The following SYT16 variants were observed in gnomAD, a reference collection of about 807,000 sequenced individuals.
SYT16 encodes the protein synaptotagmin 16.
In SYT16, 42 loss-of-function variants were observed where a neutral mutation model predicts 61.4. The observed-to-expected ratio is 0.68, with a 90% CI of 0.53 to 0.89. The LOEUF is 0.89. Ranked by LOEUF, SYT16 falls within the 40% of genes least tolerant of loss-of-function variation. The pLI, the probability that SYT16 is intolerant of heterozygous loss-of-function variation, is 0.00. For synonymous variants in SYT16, 314 were observed against 302.3 expected, an observed-to-expected ratio of 1.04 and a Z score of -0.40; for missense variants, 804 against 807.3, an observed-to-expected ratio of 1.00 and a Z score of 0.05.
At chr14:62,047,405 T>C (rs1266279114) in intron 3 of SYT16, among the ~76,000 whole-genome samples, 1 of 152,198 alleles carries the variant, frequency 6.6e-6, no homozygotes, top group Non-Finnish European at 1.5e-5. Flanking sequence ...AGATATACAA[T>C]CATGTCATCT....
chr14:62,092,876 A>G (rs1338938071), intron 7 of SYT16, among the ~76,000 whole-genome samples: 2 of 152,096 alleles, frequency 1.3e-5, no homozygotes. Flanking sequence ...AAAATGGTAA[A>G]TTTTGTTGTG....
At chr14:61,961,632 T>C (rs1434646526) in intron 1 of SYT16, among the ~76,000 whole-genome samples, 1 of 152,070 alleles carries the variant, frequency 6.6e-6, no homozygotes, top group African/African-American at 2.4e-5. Context: ...GCTGGCAAGG[T>C]TGTGGAGAAA....
intron 1 of SYT16, among the ~76,000 whole-genome samples, chr14:61,897,790 G>A (rs184154685): frequency 6.6e-6 from 1 of 152,186 alleles, no homozygotes; most frequent in Admixed American, 6.5e-5. Flanking sequence ...AGAACCCATA[G>A]ACACACTTGG....
At chr14:62,036,788 G>A (rs2054526489) in intron 3 of SYT16, among the ~76,000 whole-genome samples, 1 of 152,076 alleles carries the variant, frequency 6.6e-6, no homozygotes, top group Admixed American at 6.5e-5. Flanking sequence ...CTCCCACCAG[G>A]TCCCTCCCAT....
At chr14:61,849,515 T>C (rs1281009081) in intron 1 of SYT16, among the ~76,000 whole-genome samples, 1 of 152,180 alleles carries the variant, frequency 6.6e-6, no homozygotes, top group Non-Finnish European at 1.5e-5. Flanking sequence ...ATGGGTGATT[T>C]CCCTCTGATT....
At chr14:61,980,475 T>G (rs1050926192) in intron 2 of SYT16, among the ~76,000 whole-genome samples, 1 of 152,228 alleles carries the variant, frequency 6.6e-6, no homozygotes, top group African/African-American at 2.4e-5. Flanking sequence ...TAATCTTATA[T>G]TTTGCTTTAA....
intron 1 of SYT16, among the ~76,000 whole-genome samples, chr14:61,966,998 A>G (rs922839443): frequency 1.3e-5 from 2 of 152,230 alleles, no homozygotes; most frequent in Non-Finnish European, 2.9e-5. Flanking sequence ...AAAGTTTAAA[A>G]TTTAACATTT....
chr14:62,006,620 T>G (rs2053236760), intron 3 of SYT16, among the ~76,000 whole-genome samples: 1 of 152,176 alleles, frequency 6.6e-6, no homozygotes, highest in East Asian at 1.9e-4. Flanking sequence ...TACACTTCAT[T>G]TAGCAGTTGC....
At chr14:61,874,235 G>A (rs2047417955) in intron 1 of SYT16, among the ~76,000 whole-genome samples, 1 of 152,200 alleles carries the variant, frequency 6.6e-6, no homozygotes, top group Non-Finnish European at 1.5e-5. Flanking sequence ...TTAAGTGCAG[G>A]AGAGGAAAGT....
chr14:62,046,212 G>C (rs2054975947), intron 3 of SYT16, among the ~76,000 whole-genome samples: 1 of 152,130 alleles, frequency 6.6e-6, no homozygotes, highest in South Asian at 2.1e-4. Flanking sequence ...GTGATGATGA[G>C]CATTTTTTCA....
At chr14:62,091,419 G>A (rs539803409) in intron 7 of SYT16, among the ~76,000 whole-genome samples, 5 of 152,200 alleles carry the variant, frequency 3.3e-5, no homozygotes, top group Non-Finnish European at 7.3e-5. Flanking sequence ...TGGTTAACAT[G>A]TAAGTAAATA....
chr14:61,837,529 G>A (rs1049378103), intron 1 of SYT16, among the ~76,000 whole-genome samples: 7 of 152,140 alleles, frequency 4.6e-5, no homozygotes, highest in African/African-American at 1.4e-4. Context: ...GTGAGCTGCC[G>A]TGCAGCTGAG....
intron 3 of SYT16, among the ~76,000 whole-genome samples, chr14:62,011,952 T>C (rs2053484505): frequency 6.9e-6 from 1 of 144,552 alleles, no homozygotes; most frequent in Non-Finnish European, 1.5e-5. Context: ...TTTGATGCTG[T>C]GCATCATCTG....
intron 3 of SYT16, among the ~76,000 whole-genome samples, chr14:62,060,153 A>G (rs1439955778): frequency 6.6e-6 from 1 of 152,070 alleles, no homozygotes; most frequent in Non-Finnish European, 1.5e-5. Context: ...TTGACAAAAA[A>G]TATCTGTTTG....
At chr14:62,038,754 G>C (rs562060920) in intron 3 of SYT16, among the ~76,000 whole-genome samples, 1 of 152,316 alleles carries the variant, frequency 6.6e-6, no homozygotes, top group South Asian at 2.1e-4. Flanking sequence ...TTGAGAATCA[G>C]AAAGGGCTCA....
At chr14:61,908,688 T>A (rs1438272527) in intron 1 of SYT16, among the ~76,000 whole-genome samples, 1 of 152,210 alleles carries the variant, frequency 6.6e-6, no homozygotes, top group Non-Finnish European at 1.5e-5. Flanking sequence ...GTCATGAACA[T>A]CTTTTTCTGA....
intron 1 of SYT16, among the ~76,000 whole-genome samples, chr14:61,958,765 C>G (rs1422116652): frequency 6.6e-6 from 1 of 151,802 alleles, no homozygotes; most frequent in Non-Finnish European, 1.5e-5. Context: ...TCTGTTAGGT[C>G]CATTTGGCCT....
chr14:61,972,770 G>T (rs1017192370), intron 2 of SYT16, among the ~76,000 whole-genome samples: 2 of 152,164 alleles, frequency 1.3e-5, no homozygotes, highest in Admixed American at 6.5e-5. Context: ...GTGGGAAGAA[G>T]CCCAGTACAG....
intron 1 of SYT16, among the ~76,000 whole-genome samples, chr14:61,825,785 G>A (rs959622323): frequency 5.3e-5 from 8 of 152,052 alleles, no homozygotes; most frequent in African/African-American, 1.4e-4. Context: ...TATTAAACAT[G>A]GAAATAAATG....
Sources: gnomAD v4.1 joint callset for allele counts (sites outside exome capture counted in the v4.1 genomes callset) on GRCh38, gnomAD v4.1.1 for gene constraint, MANE v1.5 for transcripts, NCBI Gene and HGNC (gene_info 2026-07-23, HGNC 2026-07-21) for gene names.